STT3A: variants seen among roughly 807,000 people sequenced by gnomAD.
STT3A encodes the protein STT3 oligosaccharyltransferase complex catalytic subunit A.
STT3A carries 34 observed loss-of-function variants against 89.2 expected under a neutral mutation model. That is an observed-to-expected ratio of 0.38 (90% CI 0.29 to 0.51). STT3A has a LOEUF of 0.51. STT3A is among the 20% of genes least tolerant of loss of function. The probability of loss-of-function intolerance (pLI) is 0.89; values close to 1 mark genes in which losing one functional copy is unlikely to be tolerated. For missense variants in STT3A, 555 were observed against 889.5 expected (o/e 0.62, Z 4.78); for synonymous variants, 282 against 310.3 (o/e 0.91, Z 0.96).
intron 3 of STT3A, 129 bp downstream of exon 3, chr11:125,597,248 A>C: frequency 1.0e-6 from 1 of 957,174 alleles, no homozygotes; most frequent in Non-Finnish European, 1.6e-6. Flanking sequence ...GGAAAAAAAA[A>C]CCCTTAAATT....
intron 10 of STT3A, among the ~76,000 whole-genome samples, chr11:125,610,443 G>A (rs1939969945): frequency 6.6e-6 from 1 of 152,136 alleles, no homozygotes; most frequent in Non-Finnish European, 1.5e-5. Context: ...AAGATGCTGG[G>A]CACAATGGCT....
rs1360441490 is a variant in STT3A, at chr11:125,620,784, G to T, written c.2092G>T (p.Asp698Tyr). 6.2e-7 allele frequency: 1 copy of T among 1,613,726 alleles called. No individual in the cohort carries two copies. The highest frequency in any genetic ancestry group is 1.1e-5 in the South Asian group (1 of 91,074). Residue 698 changes from aspartate (D) to tyrosine (Y), a missense_variant, in exon 18 of 18, where the codon GAT becomes TAT. Asp to Tyr is a radical substitution (Grantham distance 160). Transcript: ENST00000392708. ...LVRIYKVKDL[D>Y]NRGLSRT ...CTTTATGTTGCAGGTAAAGGACCTG[G>T]ATAATCGAGGCTTGTCAAGGACATA...
At chr11:125,596,739 G>A (rs1048142838) in intron 2 of STT3A, among the ~76,000 whole-genome samples, 1 of 152,182 alleles carries the variant, frequency 6.6e-6, no homozygotes, top group Non-Finnish European at 1.5e-5. Context: ...AGTTATGTGT[G>A]TATGGTGGGG....
intron 1 of STT3A, chr11:125,593,778 G>C (rs1939396094): frequency 6.6e-6 from 1 of 152,178 alleles, no homozygotes; most frequent in Non-Finnish European, 1.5e-5. Flanking sequence ...CTGCTCTTCT[G>C]GGACAGTTAA....
At chr11:125,596,024 C>T in intron 2 of STT3A, 21 bp downstream of exon 2, 1 of 1,558,750 alleles carries the variant, frequency 6.4e-7, no homozygotes, top group South Asian at 1.2e-5. Context: ...ATGTGAACCT[C>T]TCTTTCTTTG....
chr11:125,618,110 T>C (rs1454678088), intron 15 of STT3A, among the ~76,000 whole-genome samples: 1 of 146,352 alleles, frequency 6.8e-6, no homozygotes, highest in Non-Finnish European at 1.5e-5. Context: ...TAGCCCTAGC[T>C]AATCTATAGG....
chr11:125,598,528 G>A (rs1939567976), intron 3 of STT3A, among the ~76,000 whole-genome samples: 1 of 151,648 alleles, frequency 6.6e-6, no homozygotes, highest in African/African-American at 2.4e-5. Flanking sequence ...CATTTTGGAG[G>A]CATTACAAAT....
chr11:125,611,602 C>T (rs1185629615), intron 11 of STT3A, 83 bp downstream of exon 11: 4 of 1,266,452 alleles, frequency 3.2e-6, no homozygotes, highest in Non-Finnish European at 3.4e-6. Context: ...TCAGAAAGTA[C>T]TGATGATTGT....
rs2135916888 is a variant in STT3A, at chr11:125,602,429, G to T, written c.271+5G>T. On this transcript the variant is annotated splice_donor_5th_base_variant and intron_variant, in intron 4 of 17. Coordinates refer to ENST00000392708, the MANE Select transcript of STT3A (RefSeq NM_152713.5). ...TTGGAGGAACAATTTACCCAGGTGAGGAGACCAGATGTGTTTTTTTTTTTA... is the reference window on the plus strand; with the variant it reads ...TTGGAGGAACAATTTACCCAGGTGATGAGACCAGATGTGTTTTTTTTTTTA... The T allele has an allele frequency of 6.3e-7, 1 of 1,588,032 alleles. No homozygotes were observed. Among genetic ancestry groups the T allele is most frequent in the African/African-American group, 1.4e-5 (1 of 73,218 alleles).
intron 1 of STT3A, chr11:125,593,726 G>T (rs1212017894): frequency 1.3e-5 from 2 of 152,308 alleles, no homozygotes; most frequent in African/African-American, 4.8e-5. Flanking sequence ...TAGTTGCAAA[G>T]TAAGCTTTCC....
At chr11:125,592,786 A>G (rs963224007), upstream of STT3A, 9 of 228,298 alleles carry the variant, frequency 3.9e-5, no homozygotes, top group African/African-American at 2.1e-4. Flanking sequence ...CGCTCTCCAG[A>G]AGCGTCCTAT....
At chr11:125,611,901 G>T (rs2135937135) in intron 11 of STT3A, among the ~76,000 whole-genome samples, 1 of 86,612 alleles carries the variant, frequency 1.2e-5, no homozygotes, top group Non-Finnish European at 2.1e-5. Flanking sequence ...TTTTGAGACA[G>T]AGTTTCACTC....
In STT3A at chr11:125,612,997, T is replaced by G. The variant is rs1444459807; in HGVS notation, c.1374T>G (p.Ser458Arg). 2 of 1,613,742 alleles carry G rather than the reference T, an allele frequency of 1.2e-6. No individual in the cohort carries two copies. Among genetic ancestry groups the G allele is most frequent in the East Asian group, 4.5e-5 (2 of 44,888 alleles). The part of the protein sequence containing the change: ...STYPIKNEVA[S>R]GMILVMAFFL... ...TCTTTTTCCTTGTTTAGGTGGCAAGTGGGATGATACTGGTCATGGCTTTCT... is the reference window on the plus strand; with the variant it reads ...TCTTTTTCCTTGTTTAGGTGGCAAGGGGGATGATACTGGTCATGGCTTTCT... Residue 458 changes from serine (S) to arginine (R), a missense_variant, in exon 13 of 18, where the codon AGT (serine) becomes AGG (arginine). Around this residue, in one of 5 missense-constraint regions of STT3A, gnomAD observed 273 missense variants for 449.8 expected, o/e 0.61. Transcript: ENST00000392708.
intron 15 of STT3A, among the ~76,000 whole-genome samples, chr11:125,615,617 G>C (rs1940156590): frequency 6.6e-6 from 1 of 152,216 alleles, no homozygotes; most frequent in South Asian, 2.1e-4. Flanking sequence ...TATATAGACA[G>C]ATGTGCATAG....
chr11:125,612,562 T>G (rs1940058451), intron 11 of STT3A, 30 bp from the exon 12 acceptor site: 2 of 1,606,474 alleles, frequency 1.2e-6, no homozygotes, highest in South Asian at 1.1e-5. Context: ...GAACACTGAT[T>G]AGACTGATCA....
intron 3 of STT3A, among the ~76,000 whole-genome samples, chr11:125,598,216 A>C (rs1939555343): frequency 6.6e-6 from 1 of 152,130 alleles, no homozygotes; most frequent in Admixed American, 6.6e-5. Flanking sequence ...CATCTCAAAA[A>C]AAAAAGAAAA....
In STT3A at chr11:125,620,868, A is replaced by G; in HGVS notation, c.*58A>G. 8.4e-7 allele frequency: 1 copy of G among 1,185,306 alleles called. No homozygotes were observed. The highest frequency in any genetic ancestry group is 1.2e-6 in the Non-Finnish European group (1 of 866,834). 73.4% of individuals were successfully genotyped at this position (1,185,306 alleles called of 1,614,324 possible). On this transcript the variant is annotated 3_prime_UTR_variant, in exon 18 of 18. Coordinates refer to ENST00000392708, the MANE Select transcript of STT3A (RefSeq NM_152713.5). ...GAGCACATCACATTTAGGACGTTGA[A>G]GATTTTTTTTTTTTTTTTTTTTTAA...
At position 125,622,040 on chromosome 11, in the gene STT3A, A is replaced by G. The variant is rs959602792; in HGVS notation, c.*1230A>G. 1 of 152,240 alleles carries G rather than the reference A, an allele frequency of 6.6e-6. No individual in the cohort carries two copies. The highest frequency in any genetic ancestry group is 1.5e-5 in the Non-Finnish European group (1 of 68,058). The allele number at this position is 152,240 out of a possible 1,614,324, so 9.4% of individuals were successfully genotyped here. On this transcript the variant is annotated 3_prime_UTR_variant, in exon 18 of 18. Coordinates refer to ENST00000392708, the MANE Select transcript of STT3A (RefSeq NM_152713.5). ...ACAGTGAAATCTTGTCTAAACAAAA[A>G]CAATTTAACTGGGAAGCACAGTGGT...
intron 1 of STT3A, chr11:125,593,773 C>T (rs1482984121): frequency 6.6e-6 from 1 of 152,182 alleles, no homozygotes; most frequent in East Asian, 1.9e-4. Context: ...CTAAACTGCT[C>T]TTCTGGGACA....
Sources: allele counts gnomAD v4.1 joint callset (sites outside exome capture counted in the v4.1 genomes callset), GRCh38; gene constraint gnomAD v4.1.1; regional missense constraint gnomAD v4.1.1; transcripts MANE v1.5; gene names NCBI Gene and HGNC (gene_info 2026-07-23, HGNC 2026-07-21).